SCHIP1: variants seen among roughly 807,000 people sequenced by gnomAD.
SCHIP1 encodes the protein schwannomin-interacting protein 1.
A neutral mutation model predicts 29.7 loss-of-function variants in SCHIP1; 8 were observed. The observed-to-expected ratio is 0.27, with a 90% confidence interval of 0.16 to 0.49. SCHIP1 has a LOEUF of 0.49. SCHIP1 is among the 20% of genes least tolerant of loss of function. The pLI is 0.99. For missense variants in SCHIP1, 193 were observed against 294.6 expected (o/e 0.66, Z 2.52); for synonymous variants, 76 against 94.9 (o/e 0.80, Z 1.16).
chr3:159,554,311 T>C, the SCHIP1 span, among the ~76,000 whole-genome samples: 1 of 152,130 alleles, frequency 6.6e-6, no homozygotes, highest in Admixed American at 6.5e-5. Context: ...CTCCCTAATA[T>C]ATGTATGCAT....
the SCHIP1 span, among the ~76,000 whole-genome samples, chr3:159,790,062 T>A: frequency 6.6e-6 from 1 of 152,146 alleles, no homozygotes; most frequent in Admixed American, 6.5e-5. Flanking sequence ...AAGGCCCCCC[T>A]CTACCTGGAC....
At chr3:159,444,677 T>A in the SCHIP1 span, among the ~76,000 whole-genome samples, 1 of 152,078 alleles carries the variant, frequency 6.6e-6, no homozygotes, top group Non-Finnish European at 1.5e-5. Flanking sequence ...GACAAAGTGA[T>A]GAGAGATGTA....
the SCHIP1 span, among the ~76,000 whole-genome samples, chr3:159,790,270 G>A: frequency 2.0e-5 from 3 of 152,162 alleles, no homozygotes; most frequent in Admixed American, 1.3e-4. Flanking sequence ...CTTTTTATTG[G>A]ATATAACTTA....
chr3:159,363,698 C>T, the SCHIP1 span, among the ~76,000 whole-genome samples: 1 of 152,222 alleles, frequency 6.6e-6, no homozygotes, highest in Non-Finnish European at 1.5e-5. Context: ...CATCTCTGCT[C>T]CACAGATCCC....
chr3:159,289,997 C>A, the SCHIP1 span, among the ~76,000 whole-genome samples: 2 of 152,192 alleles, frequency 1.3e-5, no homozygotes, highest in Non-Finnish European at 2.9e-5. Context: ...CGAAGCTACA[C>A]TAAGCAGTTG....
the SCHIP1 span, among the ~76,000 whole-genome samples, chr3:159,617,497 CT>C: frequency 6.6e-6 from 1 of 151,872 alleles, no homozygotes; most frequent in Admixed American, 6.6e-5. Context: ...AAGGAAGAAA[CT>C]TACAGTCTTC....
the SCHIP1 span, among the ~76,000 whole-genome samples, chr3:159,823,754 A>T: frequency 6.6e-6 from 1 of 152,200 alleles, no homozygotes; most frequent in Non-Finnish European, 1.5e-5. Flanking sequence ...CACCTTTGAC[A>T]GGCTTCATGG....
the SCHIP1 span, among the ~76,000 whole-genome samples, chr3:159,301,353 A>C: frequency 6.6e-6 from 1 of 152,076 alleles, no homozygotes; most frequent in African/African-American, 2.4e-5. Flanking sequence ...GTGTTTTTGG[A>C]GTTGTTTATG....
At chr3:159,325,551 G>A in the SCHIP1 span, among the ~76,000 whole-genome samples, 1 of 152,020 alleles carries the variant, frequency 6.6e-6, no homozygotes, top group Non-Finnish European at 1.5e-5. Flanking sequence ...AATCCAAATG[G>A]CCTTTTAATC....
the SCHIP1 span, among the ~76,000 whole-genome samples, chr3:159,534,766 T>C: frequency 6.6e-6 from 1 of 152,198 alleles, no homozygotes; most frequent in Non-Finnish European, 1.5e-5. Flanking sequence ...AGTTTCTGTA[T>C]AAGACGGATT....
At chr3:159,842,765 T>C (rs577832139) in intron 1 of SCHIP1, among the ~76,000 whole-genome samples, 58 of 151,536 alleles carry the variant, frequency 3.8e-4, no homozygotes, top group African/African-American at 1.4e-3. Context: ...GCAAATAACT[T>C]ACAGCATTTG....
At chr3:159,832,811 A>T in the SCHIP1 span, among the ~76,000 whole-genome samples, 1 of 152,140 alleles carries the variant, frequency 6.6e-6, no homozygotes, top group Non-Finnish European at 1.5e-5. Flanking sequence ...CCTTATCTGC[A>T]GTCTCATTTT....
At chr3:159,686,516 T>C in the SCHIP1 span, among the ~76,000 whole-genome samples, 1 of 152,088 alleles carries the variant, frequency 6.6e-6, no homozygotes, top group Admixed American at 6.6e-5. Context: ...GAATCAGACA[T>C]TTGCAGACTT....
the SCHIP1 span, among the ~76,000 whole-genome samples, chr3:159,718,424 A>C: frequency 1.3e-5 from 2 of 152,218 alleles, no homozygotes; most frequent in Admixed American, 1.3e-4. Flanking sequence ...TTCAGTTAGG[A>C]AAAGAGGAAG....
chr3:159,531,172 G>T, the SCHIP1 span, among the ~76,000 whole-genome samples: 3 of 152,178 alleles, frequency 2.0e-5, no homozygotes, highest in Non-Finnish European at 4.4e-5. Context: ...ACACTCATGA[G>T]AATCAGACAC....
At chr3:159,736,670 TGC>T in the SCHIP1 span, among the ~76,000 whole-genome samples, 1 of 151,800 alleles carries the variant, frequency 6.6e-6, no homozygotes, top group East Asian at 1.9e-4. Context: ...GTCTACTGCA[TGC>T]CTGCACCGGG....
At chr3:159,357,161 A>G in the SCHIP1 span, among the ~76,000 whole-genome samples, 4 of 152,204 alleles carry the variant, frequency 2.6e-5, no homozygotes, top group African/African-American at 4.8e-5. Flanking sequence ...CTTTCCTGTA[A>G]TTGAATATCA....
the SCHIP1 span, among the ~76,000 whole-genome samples, chr3:159,473,700 GA>G: frequency 8.8e-6 from 1 of 114,082 alleles, no homozygotes; most frequent in African/African-American, 3.2e-5. Flanking sequence ...AAAAAGAAAA[GA>G]AAAGAAAAAG....
At chr3:159,439,089 T>C in the SCHIP1 span, among the ~76,000 whole-genome samples, 1 of 152,202 alleles carries the variant, frequency 6.6e-6, no homozygotes, top group Non-Finnish European at 1.5e-5. Context: ...ATGGTTGAAC[T>C]AATTTACACT....
Sources: allele counts gnomAD v4.1 joint callset (sites outside exome capture counted in the v4.1 genomes callset), GRCh38; gene constraint gnomAD v4.1.1; transcripts MANE v1.5; gene names NCBI Gene and HGNC (gene_info 2026-07-23, HGNC 2026-07-21).